Variants in DNAH17 observed in about 807,000 individuals in gnomAD.
DNAH17 encodes the protein dynein axonemal heavy chain 17.
A neutral mutation model predicts 485.6 loss-of-function variants in DNAH17; 376 were observed. That is an observed-to-expected ratio of 0.77 (90% CI 0.71 to 0.84). The LOEUF (loss-of-function observed/expected upper bound fraction) is 0.84. DNAH17 is among the 40% of genes least tolerant of loss of function. The pLI, the probability that DNAH17 is intolerant of heterozygous loss-of-function variation, is 0.00. For missense variants in DNAH17, 6,370 were observed against 5,839.3 expected (o/e 1.09, Z -2.96); for synonymous variants, 3,031 against 2,405.9 (o/e 1.26, Z -7.60).
intron 80 of DNAH17, 39 bp from the exon 81 acceptor site, chr17:78,424,192 A>C: frequency 6.3e-7 from 1 of 1,576,160 alleles, no homozygotes; most frequent in South Asian, 1.2e-5. Context: ...GTGTGCTGCC[A>C]GTAAGTGAGG....
chr17:78,439,284 C>G, intron 72 of DNAH17, 67 bp from the exon 73 acceptor site: 1 of 1,507,664 alleles, frequency 6.6e-7, no homozygotes, highest in Non-Finnish European at 8.9e-7. Flanking sequence ...GCTCTGTGAT[C>G]TACAGCCAGG....
At chr17:78,437,986 C>T in intron 73 of DNAH17, 118 bp from the exon 74 acceptor site, 1 of 719,444 alleles carries the variant, frequency 1.4e-6, no homozygotes, top group Non-Finnish European at 2.3e-6. Context: ...GCACCCCACA[C>T]TTGCCTGGTG....
At chr17:78,518,681 A>G (rs2090853006) in intron 25 of DNAH17, among the ~76,000 whole-genome samples, 1 of 152,194 alleles carries the variant, frequency 6.6e-6, no homozygotes, top group Non-Finnish European at 1.5e-5. Flanking sequence ...ACTCCGCCCA[A>G]CAGAAGCAGA....
In DNAH17 at chr17:78,490,805, T is replaced by C. The variant is rs772565256; in HGVS notation, c.6712A>G (p.Thr2238Ala). ...ASNERIPLNR[T>A]MRLVFEISHL... ...CTGATTTCGAACACCAGCCTCATGG[T>C]GCGGTTCAGGGGGATCCGCTCGTTG... Residue 2238 changes from threonine (T) to alanine (A), a missense_variant, in exon 44 of 81, where the codon ACC (threonine) becomes GCC (alanine). Coordinates refer to ENST00000389840, the MANE Select transcript of DNAH17 (RefSeq NM_173628.4). 6.2e-7 allele frequency: 1 copy of C among 1,604,514 alleles called. No individual in the cohort carries two copies. The highest frequency in any genetic ancestry group is 8.5e-7 in the Non-Finnish European group (1 of 1,175,776).
chr17:78,428,966 G>A (rs899207987), intron 76 of DNAH17, among the ~76,000 whole-genome samples, 155 bp downstream of exon 76: 1 of 140,290 alleles, frequency 7.1e-6, no homozygotes, highest in African/African-American at 2.7e-5. Flanking sequence ...TATTAGCCTT[G>A]TGCTTCTTCC....
rs775219380 is a variant in DNAH17, at chr17:78,569,269, A to G, written c.1198-17T>C. On this transcript the variant is annotated splice_polypyrimidine_tract_variant and intron_variant, in intron 8 of 80. Coordinates refer to ENST00000389840, the MANE Select transcript of DNAH17 (RefSeq NM_173628.4). ...CTCTTTGTCCTTAGAGGAGAGAAAGAGAGATGAGGCCACGTTTGCTTCAAA... is the reference window on the plus strand; with the variant it reads ...CTCTTTGTCCTTAGAGGAGAGAAAGGGAGATGAGGCCACGTTTGCTTCAAA... 4 of 1,599,516 alleles carry G rather than the reference A, an allele frequency of 2.5e-6. No homozygotes were observed. The highest frequency in any genetic ancestry group is 2.6e-6 in the Non-Finnish European group (3 of 1,172,964).
chr17:78,507,150 T>TTAACCCAGGACCCATGG, intron 29 of DNAH17, 128 bp downstream of exon 29: 1 of 1,077,926 alleles, frequency 9.3e-7, no homozygotes, highest in Non-Finnish European at 1.3e-6. Flanking sequence ...AGGCAATTGA[T>TTAACCCAGGACCCATGG]TAACCCAGGA....
rs143352762 is a variant in DNAH17, at chr17:78,460,219, C to A, written c.9378G>T (p.Leu3126=). ...TEKQKACETD[L]AKAEPALLAA... ...CCAGCAGGGCCGGTTCTGCTTTGGC[C>A]AGGTCTGTTTCACAGGCCTTTTGCT... The change falls in exon 59 of 81, where the codon CTG becomes CTT. Residue 3126 remains leucine, a synonymous_variant. Transcript: ENST00000389840. 85 of 1,607,170 alleles carry A rather than the reference C, an allele frequency of 5.3e-5. No homozygotes were observed. The highest frequency in any genetic ancestry group is 1.6e-4 in the Middle Eastern group (1 of 6,076).
rs776671793 is a variant in DNAH17, at chr17:78,525,056, G to A, written c.3817C>T (p.His1273Tyr). 1.2e-6 allele frequency: 2 copies of A among 1,613,790 alleles called. No homozygotes were observed. Among genetic ancestry groups the A allele is most frequent in the Admixed American group, 1.7e-5 (1 of 60,032 alleles). ...VPDYKQLKAC[H>Y]REVRLLKELW... ...TCCTTCAGTAGGCGGACCTCCCGGT[G>A]GCAGGCCTTGAGCTGCTTGTAGTCT... The change falls in exon 25 of 81, where the codon CAC (histidine) becomes TAC (tyrosine). Residue 1273 changes from histidine to tyrosine, a missense_variant. His to Tyr is a moderately conservative substitution (Grantham distance 83). Transcript: ENST00000389840.
intron 17 of DNAH17, among the ~76,000 whole-genome samples, chr17:78,542,639 G>T (rs2091628106): frequency 6.6e-6 from 1 of 152,194 alleles, no homozygotes; most frequent in African/African-American, 2.4e-5. Context: ...CTACTGTTCT[G>T]CATTCTCCCA....
intron 14 of DNAH17, 104 bp downstream of exon 14, chr17:78,558,004 G>A: frequency 3.7e-6 from 5 of 1,350,408 alleles, no homozygotes; most frequent in Non-Finnish European, 5.0e-6. Context: ...TGAATGGGAA[G>A]ATTTCCCAGG....
rs1568146915 is a variant in DNAH17, at chr17:78,492,776, TG to T, written c.6409-12del. The T allele has an allele frequency of 2.5e-6, 4 of 1,606,138 alleles. No homozygotes were observed. The African/African-American group carries it at 4.0e-5, about 16-fold the overall frequency. On this transcript the variant is annotated splice_polypyrimidine_tract_variant and intron_variant, in intron 41 of 80. Transcript: ENST00000389840. ...GAGGGATTTGAGGACCTGGCGAAGG[TG>T]GGGGTCACTCACGTGTGACTCCATG...
rs1318166921 is a variant in DNAH17 at position 78,460,603 on chromosome 17, C to T, written c.9340-346G>A. Among the ~76,000 whole-genome samples the T allele has an allele frequency of 2.0e-5, 3 of 152,248 alleles. No individual in the cohort carries two copies. The East Asian group carries it at 5.8e-4, about 29-fold the overall frequency. On this transcript the variant is annotated intron_variant, in intron 58 of 80. Transcript: ENST00000389840. ...TGTGTGCTTGGCCCCTGTCTGGAGC[C>T]CACCTTCCTCCCTGACGCCTCTACT...
chr17:78,466,497 C>G (rs1174668483), intron 56 of DNAH17, among the ~76,000 whole-genome samples, 158 bp downstream of exon 56: 1 of 152,186 alleles, frequency 6.6e-6, no homozygotes, highest in East Asian at 1.9e-4. Flanking sequence ...TATCTTGATG[C>G]CTGAGTTTCT....
intron 69 of DNAH17, among the ~76,000 whole-genome samples, chr17:78,446,155 C>CA (rs1330384264): frequency 9.7e-6 from 1 of 103,426 alleles, no homozygotes; most frequent in African/African-American, 3.9e-5. Flanking sequence ...GCCTGGGCAA[C>CA]AGAGTGAGAC....
intron 25 of DNAH17, chr17:78,522,742 CA>C: frequency 9.4e-6 from 2 of 213,226 alleles, no homozygotes; most frequent in Non-Finnish European, 2.0e-5. Context: ...AAGGACCAGG[CA>C]AAAACAATAA....
intron 18 of DNAH17, 27 bp downstream of exon 18, chr17:78,539,710 A>C: frequency 1.3e-6 from 2 of 1,550,014 alleles, no homozygotes; most frequent in Non-Finnish European, 1.7e-6. Context: ...ATATACATAA[A>C]TATATTACCT....
chr17:78,519,227 G>A (rs1268788421), intron 25 of DNAH17, among the ~76,000 whole-genome samples: 1 of 149,592 alleles, frequency 6.7e-6, no homozygotes, highest in Non-Finnish European at 1.5e-5. Flanking sequence ...TCATCCATGG[G>A]TCAAAGAGGA....
chr17:78,459,665 G>T, intron 60 of DNAH17, 119 bp downstream of exon 60: 1 of 1,087,316 alleles, frequency 9.2e-7, no homozygotes, highest in Non-Finnish European at 1.3e-6. Flanking sequence ...GGAAGGGGCT[G>T]CCTAGATTTT....
Sources: allele counts gnomAD v4.1 joint callset (sites outside exome capture counted in the v4.1 genomes callset), GRCh38; gene constraint gnomAD v4.1.1; transcripts MANE v1.5; gene names NCBI Gene and HGNC (gene_info 2026-07-23, HGNC 2026-07-21).